GMEB2: variants seen among roughly 807,000 people sequenced by gnomAD.
The protein encoded by GMEB2 is glucocorticoid modulatory element-binding protein 2.
Under a neutral mutation model 45.7 loss-of-function variants are expected in GMEB2, and 7 were observed. That is an observed-to-expected ratio of 0.15 (90% confidence interval 0.09 to 0.29). The LOEUF is 0.29. Among genes scored for constraint, GMEB2 ranks in the 10% least tolerant of loss-of-function variants. The pLI, the probability that GMEB2 is intolerant of heterozygous loss-of-function variation, is 1.00. For missense variants in GMEB2, 582 were observed against 739.2 expected, an observed-to-expected ratio of 0.79 and a Z score of 2.47; for synonymous variants, 322 against 323.6, an observed-to-expected ratio of 1.00 and a Z score of 0.05.
At position 63,588,440 on chromosome 20, in the gene GMEB2, A is replaced by G. The variant is rs2083113370; in HGVS notation, c.*1649T>C. 8.5e-6 allele frequency: 2 copies of G among 236,256 alleles called. No homozygotes were observed. The highest frequency in any genetic ancestry group is 5.7e-5 in the Admixed American group (1 of 17,536). 14.6% of individuals were successfully genotyped at this position (236,256 alleles called of 1,614,324 possible). The stretch of plus-strand genomic sequence containing the variant: ...ATACCGCTGCATGCTGCAGAACTCA[A>G]CTAGAGTGGAAATGAGTTTAAAACG... On this transcript the variant is annotated 3_prime_UTR_variant, in exon 10 of 10. Transcript: ENST00000370077.
At chr20:63,606,492 C>T (rs1166546544) in intron 2 of GMEB2, among the ~76,000 whole-genome samples, 3 of 152,020 alleles carry the variant, frequency 2.0e-5, no homozygotes, top group Non-Finnish European at 2.9e-5. Context: ...GGACTACAGG[C>T]GCCCGCCACC....
intron 2 of GMEB2, among the ~76,000 whole-genome samples, chr20:63,612,532 C>T (rs1487998309): frequency 6.6e-6 from 1 of 152,210 alleles, no homozygotes; most frequent in Non-Finnish European, 1.5e-5. Flanking sequence ...ATTCTGTGGC[C>T]ACAGAAATGA....
At chr20:63,626,428 CGGGGTGGCCCCTGGGG>C (rs2089673275) in intron 1 of GMEB2, among the ~76,000 whole-genome samples, 3 of 45,964 alleles carry the variant, frequency 6.5e-5, no homozygotes, top group Admixed American at 1.6e-4. Context: ...CGGGTGCCTG[CGGGGTGGCCCCTGGGG>C]ATCGCGTCCC....
Position 63,619,556 on chromosome 20 carries a change from G to A in GMEB2, c.-57-102C>T. The A allele has an allele frequency of 3.2e-6, 2 of 623,346 alleles. No individual in the cohort carries two copies. The highest frequency in any genetic ancestry group is 1.9e-5 in the African/African-American group (1 of 53,060). 38.6% of individuals were successfully genotyped at this position (623,346 alleles called of 1,614,324 possible). A position where few individuals can be genotyped will look rare whatever the true frequency, so the allele number is the denominator to read the frequency against. On this transcript the variant is annotated intron_variant, in intron 1 of 9. Coordinates refer to ENST00000370077, the MANE Select transcript of GMEB2 (RefSeq NM_012384.5). This position sits in a 1 kb window ranked among gnomAD's most constrained non-coding sequence, Gnocchi z 4.6. ...TAATCAGCTCCAAAGACCCACCCTT[G>A]AGTCCCAGACTGCTACCTCCTGACA...
chr20:63,613,669 C>T (rs1258175186), intron 2 of GMEB2, among the ~76,000 whole-genome samples: 1 of 152,060 alleles, frequency 6.6e-6, no homozygotes, highest in East Asian at 1.9e-4. Context: ...CGCCCGCCAC[C>T]ACGCCTGGCT....
Position 63,592,578 on chromosome 20 carries a change from T to G in GMEB2, c.784A>C (p.Arg262=), listed in dbSNP as rs375401346. Residue 262 remains arginine, a synonymous_variant, in exon 8 of 10, where the codon AGA becomes CGA. Coordinates refer to ENST00000370077, the MANE Select transcript of GMEB2 (RefSeq NM_012384.5). This position sits in a 1 kb window ranked among gnomAD's most constrained non-coding sequence, Gnocchi z 8.2. ...TCCTGGACCCGCTGCTGCAGGCCTC[T>G]CATGGTCTCCACCAGCTCCTGGTGG... ...EFHQELVETM[R]GLQQRVQDPP... is the part of the protein sequence containing the mutation. 92 of 1,612,170 alleles carry G rather than the reference T, an allele frequency of 5.7e-5. No homozygotes were observed. The highest frequency in any genetic ancestry group is 7.5e-5 in the Non-Finnish European group (88 of 1,178,550).
intron 2 of GMEB2, among the ~76,000 whole-genome samples, chr20:63,605,430 G>A (rs1471229732): frequency 6.6e-6 from 1 of 151,378 alleles, no homozygotes; most frequent in East Asian, 1.9e-4. Flanking sequence ...CTACTCAGGA[G>A]GCTGAGACCA....
intron 5 of GMEB2, among the ~76,000 whole-genome samples, chr20:63,596,417 C>CAG (rs1482910986): frequency 6.6e-6 from 1 of 152,244 alleles, no homozygotes; most frequent in East Asian, 1.9e-4. Flanking sequence ...AAACGAGGGT[C>CAG]AGAGGCTCCA....
intron 1 of GMEB2, among the ~76,000 whole-genome samples, chr20:63,620,519 G>A (rs1287233818): frequency 1.3e-5 from 2 of 152,212 alleles, no homozygotes; most frequent in African/African-American, 4.8e-5. Context: ...CTGTGTGTGA[G>A]CGCCTGGGTC....
At chr20:63,611,021 C>T (rs1452998703) in intron 2 of GMEB2, among the ~76,000 whole-genome samples, 2 of 152,212 alleles carry the variant, frequency 1.3e-5, no homozygotes, top group Non-Finnish European at 2.9e-5. Flanking sequence ...GACCCCCCGG[C>T]GAGGCCCAGC....
intron 3 of GMEB2, 126 bp from the exon 4 acceptor site, chr20:63,603,218 G>A: frequency 9.4e-7 from 1 of 1,061,726 alleles, no homozygotes; most frequent in South Asian, 1.5e-5. Flanking sequence ...ATCCAGGAAG[G>A]CCTGAGATAG....
rs1449816425 is a variant in GMEB2 at position 63,593,104 on chromosome 20, G to A, written c.620-22C>T. 11 of 1,533,750 alleles carry A rather than the reference G, an allele frequency of 7.2e-6. No individual in the cohort carries two copies. Among genetic ancestry groups the A allele is most frequent in the East Asian group, 2.3e-5 (1 of 44,306 alleles). On this transcript the variant is annotated intron_variant, in intron 6 of 9. Transcript: ENST00000370077. The surrounding 1 kb of genome is among the most constrained non-coding windows in gnomAD (Gnocchi z 4.7). Reference sequence around the variant, plus strand: ...TTCACTGCAGCCGAAAGGGAACCTCGGGTGAGTGCTGTTTGGACCACAGTC... The same window carrying A: ...TTCACTGCAGCCGAAAGGGAACCTCAGGTGAGTGCTGTTTGGACCACAGTC...
At chr20:63,611,777 G>A (rs1051511014) in intron 2 of GMEB2, among the ~76,000 whole-genome samples, 5 of 152,076 alleles carry the variant, frequency 3.3e-5, no homozygotes, top group Admixed American at 1.3e-4. Context: ...CAGTGCTTCG[G>A]GAGGCTGAGG....
In GMEB2 at chr20:63,593,505, C is replaced by T. The variant is rs1022493090; in HGVS notation, c.620-423G>A. Among the ~76,000 whole-genome samples, 3 of 151,826 alleles carry T rather than the reference C, an allele frequency of 2.0e-5. No homozygotes were observed. The highest frequency in any genetic ancestry group is 6.6e-5 in the Admixed American group (1 of 15,234). On this transcript the variant is annotated intron_variant, in intron 6 of 9. Transcript: ENST00000370077. The surrounding 1 kb of genome is among the most constrained non-coding windows in gnomAD (Gnocchi z 4.7). Reference sequence around the variant, plus strand: ...TCGCCCGTGGGGCTCGCCCTCACCTCGCCTCTTCAAGTGATGCTTCATTGA... The same window carrying T: ...TCGCCCGTGGGGCTCGCCCTCACCTTGCCTCTTCAAGTGATGCTTCATTGA...
In GMEB2 at chr20:63,592,719, G is replaced by A. The variant is rs115015284; in HGVS notation, c.692-49C>T. ...GTGGGCAGGGAAAGTGCTGCTACAC[G>A]GGGCAGCCACCACAGCCACAAGGAC... On this transcript the variant is annotated intron_variant, in intron 7 of 9. Transcript: ENST00000370077. The surrounding 1 kb of genome is among the most constrained non-coding windows in gnomAD (Gnocchi z 8.2). 2.6e-4 allele frequency: 396 copies of A among 1,536,296 alleles called. 1 individual carries two copies. In the African/African-American group the frequency reaches 4.8e-3, roughly 19 times the overall value.
At chr20:63,600,297 G>A (rs1365881887) in intron 4 of GMEB2, among the ~76,000 whole-genome samples, 7 of 151,418 alleles carry the variant, frequency 4.6e-5, no homozygotes, top group African/African-American at 1.5e-4. Context: ...CACCCGCCTC[G>A]GCCTCCCAAA....
intron 2 of GMEB2, among the ~76,000 whole-genome samples, chr20:63,612,837 C>A (rs2089580864): frequency 6.6e-6 from 1 of 152,220 alleles, no homozygotes; most frequent in South Asian, 2.1e-4. Context: ...AAGCTGTCAG[C>A]TGACGACAGG....
At chr20:63,622,567 G>T (rs1167330056) in intron 1 of GMEB2, among the ~76,000 whole-genome samples, 2 of 152,116 alleles carry the variant, frequency 1.3e-5, no homozygotes, top group Non-Finnish European at 2.9e-5. Context: ...CATTCCACAG[G>T]CTGTCTTTTG....
At chr20:63,609,430 T>C (rs373161883) in intron 2 of GMEB2, among the ~76,000 whole-genome samples, 4 of 119,120 alleles carry the variant, frequency 3.4e-5, no homozygotes, top group East Asian at 3.6e-4. Context: ...CCTCCATTTC[T>C]AGAAACATGC....
Sources: gnomAD v4.1 joint callset for allele counts (sites outside exome capture counted in the v4.1 genomes callset) on GRCh38, gnomAD v4.1.1 for gene constraint, Gnocchi (gnomAD v3.1) non-coding constraint, MANE v1.5 for transcripts, NCBI Gene and HGNC (gene_info 2026-07-23, HGNC 2026-07-21) for gene names.